Variants in MECOM observed in about 807,000 individuals in gnomAD.
The protein encoded by MECOM is MDS1 and EVI1 complex locus.
MECOM carries 13 observed loss-of-function variants against 116.3 expected under a neutral mutation model. That is an observed-to-expected ratio of 0.11 (90% confidence interval 0.07 to 0.18). MECOM has a LOEUF of 0.18. MECOM is among the 10% of genes least tolerant of loss of function. The probability of loss-of-function intolerance (pLI) is 1.00; values close to 1 mark genes in which losing one functional copy is unlikely to be tolerated. For synonymous variants in MECOM, 528 were observed against 535.2 expected, an observed-to-expected ratio of 0.99 and a Z score of 0.19; for missense variants, 1,299 against 1,509.0, an observed-to-expected ratio of 0.86 and a Z score of 2.31.
chr3:169,312,729 G>A lies in MECOM; in HGVS notation c.375+68458C>T, dbSNP rs1286353996. Among the ~76,000 whole-genome samples, 3 of 152,284 alleles carry A rather than the reference G, an allele frequency of 2.0e-5. 1 individual carries two copies. The South Asian group carries it at 6.2e-4, about 32-fold the overall frequency. Reference sequence around the variant, plus strand: ...CCTAATAGAATAAGGAGGACACTAGGAGGAGCAGGTCTGGGGAGAGAGGAA... The same window carrying A: ...CCTAATAGAATAAGGAGGACACTAGAAGGAGCAGGTCTGGGGAGAGAGGAA... On this transcript the variant is annotated intron_variant, in intron 2 of 16. Transcript: ENST00000651503.
At chr3:169,379,964 A>C (rs1732121104) in intron 2 of MECOM, among the ~76,000 whole-genome samples, 1 of 152,172 alleles carries the variant, frequency 6.6e-6, no homozygotes, top group Admixed American at 6.5e-5. Context: ...GCTATGGTTA[A>C]GAATGAAACT....
chr3:169,119,028 CA>C (rs1213863658), intron 7 of MECOM, among the ~76,000 whole-genome samples: 1 of 152,156 alleles, frequency 6.6e-6, no homozygotes, highest in Non-Finnish European at 1.5e-5. Context: ...ACTTATTAAA[CA>C]AATTAAGAGG....
intron 1 of MECOM, among the ~76,000 whole-genome samples, chr3:169,441,154 C>CTCAGCCTG (rs1340040982): frequency 1.3e-5 from 2 of 152,160 alleles, no homozygotes; most frequent in Admixed American, 6.5e-5. Flanking sequence ...GATGTGACAG[C>CTCAGCCTG]TCAGCCTGAG....
intron 1 of MECOM, among the ~76,000 whole-genome samples, chr3:169,626,669 T>A (rs1771415171): frequency 6.6e-6 from 1 of 152,202 alleles, no homozygotes; most frequent in South Asian, 2.1e-4. Flanking sequence ...CTAGCTTTTT[T>A]CCTTACATTT....
chr3:169,218,517 T>C (rs1370259446), intron 2 of MECOM, among the ~76,000 whole-genome samples: 1 of 152,118 alleles, frequency 6.6e-6, no homozygotes, highest in Non-Finnish European at 1.5e-5. Flanking sequence ...TTGACTGGAA[T>C]GAGTATTTTA....
rs912937194 is a variant in MECOM, at chr3:169,084,775, T to C, written c.*134A>G. ...CTTTTCTTTTTTAAATCATTCAGTT[T>C]AAGGTCACTAGACTTTAGATGAGTG... On this transcript the variant is annotated 3_prime_UTR_variant, in exon 17 of 17. Coordinates refer to ENST00000651503, the MANE Select transcript of MECOM (RefSeq NM_004991.4). 19 of 900,190 alleles carry C rather than the reference T, an allele frequency of 2.1e-5. No homozygotes were observed. Among genetic ancestry groups the C allele is most frequent in the African/African-American group, 8.3e-5 (5 of 59,944 alleles). 55.8% of individuals were successfully genotyped at this position (900,190 alleles called of 1,614,324 possible). A position where few individuals can be genotyped will look rare whatever the true frequency, so the allele number is the denominator to read the frequency against.
chr3:169,579,233 A>G (rs1764843198), intron 1 of MECOM, among the ~76,000 whole-genome samples: 2 of 152,184 alleles, frequency 1.3e-5, no homozygotes, highest in Non-Finnish European at 1.5e-5. Context: ...GCTTCATTAC[A>G]TCGCCTCTTA....
chr3:169,396,218 A>G (rs1450936211), intron 1 of MECOM, among the ~76,000 whole-genome samples: 1 of 152,168 alleles, frequency 6.6e-6, no homozygotes, highest in Non-Finnish European at 1.5e-5. Flanking sequence ...ATCCAAGCCA[A>G]TTCCTGTTTA....
chr3:169,102,205 C>CTT lies in MECOM; in HGVS notation c.2625_2626insAA (p.Ala876LysfsTer5). ...GCACTGAAGCTCTCTAGCTTTTCTG[C>CTT]CATGTTTTCAATAGCTGACATCTGA... is the stretch of plus-strand genomic sequence containing the variant. On this transcript the variant is annotated frameshift_variant, in exon 11 of 17. Coordinates refer to ENST00000651503, the MANE Select transcript of MECOM (RefSeq NM_004991.4). LOFTEE classifies it high-confidence loss of function. 6.2e-7 allele frequency: 1 copy of CTT among 1,612,974 alleles called. No individual in the cohort carries two copies. The highest frequency in any genetic ancestry group is 8.5e-7 in the Non-Finnish European group (1 of 1,179,344).
chr3:169,271,907 T>A (rs1251582014), intron 2 of MECOM, among the ~76,000 whole-genome samples: 4 of 152,076 alleles, frequency 2.6e-5, no homozygotes, highest in African/African-American at 9.7e-5. Flanking sequence ...CATAAAAAAA[T>A]TAACACCATC....
chr3:169,400,292 A>T (rs973506480), intron 1 of MECOM, among the ~76,000 whole-genome samples: 2 of 152,198 alleles, frequency 1.3e-5, no homozygotes, highest in African/African-American at 4.8e-5. Flanking sequence ...AGAATAGATC[A>T]AAATCATGCC....
chr3:169,661,076 A>G (rs1776216943), intron 1 of MECOM, among the ~76,000 whole-genome samples: 1 of 152,228 alleles, frequency 6.6e-6, no homozygotes, highest in African/African-American at 2.4e-5. Flanking sequence ...CTGGATGCTG[A>G]GTGGACTGTG....
intron 2 of MECOM, among the ~76,000 whole-genome samples, chr3:169,204,085 C>T (rs1242203492): frequency 1.2e-4 from 19 of 152,176 alleles, no homozygotes; most frequent in Admixed American, 1.2e-3. Flanking sequence ...GTTCATGCCA[C>T]AGCCCAAGGA....
intron 2 of MECOM, among the ~76,000 whole-genome samples, chr3:169,231,921 C>T (rs548409544): frequency 2.0e-5 from 3 of 152,208 alleles, no homozygotes; most frequent in Admixed American, 2.0e-4. Flanking sequence ...GCAGTAGGGG[C>T]TTTTACCTTC....
intron 8 of MECOM, among the ~76,000 whole-genome samples, chr3:169,114,327 T>C: frequency 6.6e-6 from 1 of 152,172 alleles, no homozygotes; most frequent in East Asian, 1.9e-4. Flanking sequence ...CTTTATCATA[T>C]TCAAACGAGG....
chr3:169,266,499 G>A (rs557274869), intron 2 of MECOM, among the ~76,000 whole-genome samples: 4 of 152,294 alleles, frequency 2.6e-5, no homozygotes, highest in Admixed American at 2.6e-4. Flanking sequence ...CCTAGGTGAA[G>A]TCAGCATCAG....
intron 1 of MECOM, among the ~76,000 whole-genome samples, chr3:169,471,153 G>A (rs988834773): frequency 7.2e-5 from 11 of 151,846 alleles, no homozygotes; most frequent in Admixed American, 2.0e-4. Context: ...CAGCATGCCC[G>A]TCTGATTTTT....
intron 3 of MECOM, among the ~76,000 whole-genome samples, chr3:169,143,081 C>T (rs2149282713): frequency 6.6e-6 from 1 of 151,974 alleles, no homozygotes; most frequent in African/African-American, 2.4e-5. Flanking sequence ...CTTTATTTCA[C>T]AGTTATTGTT....
intron 2 of MECOM, among the ~76,000 whole-genome samples, chr3:169,215,688 T>C (rs1269505302): frequency 6.6e-6 from 1 of 152,204 alleles, no homozygotes; most frequent in African/African-American, 2.4e-5. Flanking sequence ...ACCATTTTAT[T>C]ACAAAAGAAC....
Sources: allele counts gnomAD v4.1 joint callset (sites outside exome capture counted in the v4.1 genomes callset), GRCh38; gene constraint gnomAD v4.1.1; transcripts MANE v1.5; gene names NCBI Gene and HGNC (gene_info 2026-07-23, HGNC 2026-07-21).